Variants in RGS6 observed in about 807,000 individuals in gnomAD.
RGS6 encodes regulator of G-protein signaling 6.
In RGS6, 30 loss-of-function variants were observed where a neutral mutation model predicts 78.5. That is an observed-to-expected ratio of 0.38 (90% CI 0.29 to 0.52). RGS6 has a LOEUF of 0.52. Among genes scored for constraint, RGS6 ranks in the 20% least tolerant of loss-of-function variants. The pLI, the probability that RGS6 is intolerant of heterozygous loss-of-function variation, is 0.85. For synonymous variants in RGS6, 206 were observed against 206.0 expected (o/e 1.00, Z 0.00); for missense variants, 495 against 609.7 (o/e 0.81, Z 1.98).
At chr14:72,378,735 G>A (rs964642788) in intron 3 of RGS6, among the ~76,000 whole-genome samples, 1 of 152,066 alleles carries the variant, frequency 6.6e-6, no homozygotes, top group African/African-American at 2.4e-5. Flanking sequence ...GAATTGGATG[G>A]CTTCACTGCT....
intron 2 of RGS6, among the ~76,000 whole-genome samples, chr14:72,012,298 CA>C (rs2085932047): frequency 6.6e-6 from 1 of 152,114 alleles, no homozygotes; most frequent in South Asian, 2.1e-4. Flanking sequence ...ATCTTCTTTG[CA>C]GCTAGTTTTC....
At chr14:72,540,684 A>C in intron 17 of RGS6, 1 of 1,375,938 alleles carries the variant, frequency 7.3e-7, no homozygotes, top group Admixed American at 1.9e-5. Flanking sequence ...AGCCCCCATC[A>C]GCCTCATGTG....
intron 2 of RGS6, among the ~76,000 whole-genome samples, chr14:72,318,334 T>G (rs1393578272): frequency 6.6e-6 from 1 of 152,186 alleles, no homozygotes; most frequent in African/African-American, 2.4e-5. Flanking sequence ...GGCAGCTGAT[T>G]TGATGGTGCC....
intron 2 of RGS6, among the ~76,000 whole-genome samples, chr14:72,070,903 CGT>C (rs569892870): frequency 6.6e-6 from 1 of 152,130 alleles, no homozygotes; most frequent in African/African-American, 2.4e-5. Flanking sequence ...ATGTTTTGTG[CGT>C]GTGTATTTCA....
chr14:71,929,652 AC>A (rs1351673867), upstream of RGS6, among the ~76,000 whole-genome samples: 1 of 152,156 alleles, frequency 6.6e-6, no homozygotes, highest in Non-Finnish European at 1.5e-5. Flanking sequence ...TCCTCATCAA[AC>A]TTTTACCCAC....
chr14:72,148,755 T>G (rs910709815), intron 2 of RGS6, among the ~76,000 whole-genome samples: 2 of 152,178 alleles, frequency 1.3e-5, no homozygotes, highest in African/African-American at 4.8e-5. Context: ...AAAGCTGAGA[T>G]AAAACAAGAT....
chr14:72,440,657 C>T (rs1019836578), intron 3 of RGS6, among the ~76,000 whole-genome samples: 3 of 152,122 alleles, frequency 2.0e-5, no homozygotes, highest in Non-Finnish European at 4.4e-5. Context: ...AGGTGATCTG[C>T]CTGCCTCGGC....
chr14:71,888,409 G>A, the RGS6 span, among the ~76,000 whole-genome samples: 23,560 of 146,268 alleles, frequency 0.16, 2,895 homozygotes, highest in African/African-American at 0.36. Context: ...CACAGCAAAA[G>A]CTCTGTCTCA....
chr14:72,233,065 T>A (rs1188458842), intron 2 of RGS6, among the ~76,000 whole-genome samples: 1 of 152,160 alleles, frequency 6.6e-6, no homozygotes, highest in African/African-American at 2.4e-5. Context: ...TGGAATGGCT[T>A]GTAGACCTGA....
chr14:72,273,230 G>A (rs764963215), intron 2 of RGS6, among the ~76,000 whole-genome samples: 49 of 152,234 alleles, frequency 3.2e-4, no homozygotes, highest in African/African-American at 7.2e-4. Flanking sequence ...AGTTGATTCC[G>A]GCTTTCAAAG....
upstream of RGS6, among the ~76,000 whole-genome samples, chr14:71,929,433 C>T: frequency 6.6e-6 from 1 of 152,200 alleles, no homozygotes; most frequent in Admixed American, 6.5e-5. Context: ...AGTGACACTA[C>T]ATTCTCAGCA....
At chr14:72,107,760 T>A (rs1417251339) in intron 2 of RGS6, among the ~76,000 whole-genome samples, 1 of 152,174 alleles carries the variant, frequency 6.6e-6, no homozygotes, top group Non-Finnish European at 1.5e-5. Flanking sequence ...TATCTTCTTT[T>A]TCCTGCCCAA....
In RGS6 at chr14:72,536,243, G is replaced by T. The variant is rs776206016; in HGVS notation, c.1336G>T (p.Ala446Ser). 6.2e-7 allele frequency: 1 copy of T among 1,613,794 alleles called. No homozygotes were observed. Among genetic ancestry groups the T allele is most frequent in the Non-Finnish European group, 8.5e-7 (1 of 1,179,874 alleles). Reference sequence around the variant, plus strand: ...CTATGCCCGCTTCCTCCGGTCAAATGCTTACCAGGATTTGCTGCTGGCCAA... The same window carrying T: ...CTATGCCCGCTTCCTCCGGTCAAATTCTTACCAGGATTTGCTGCTGGCCAA... The part of the protein sequence containing the change: ...DSYARFLRSN[A>S]YQDLLLAKKK... The change falls in exon 16 of 18, where the codon GCT becomes TCT. Residue 446 changes from alanine to serine, a missense_variant. Coordinates refer to ENST00000553525, the MANE Select transcript of RGS6 (RefSeq NM_001204424.2).
chr14:71,952,223 TTTACTA>T (rs1212587524), intron 1 of RGS6, among the ~76,000 whole-genome samples: 50 of 152,340 alleles, frequency 3.3e-4, no homozygotes, highest in Non-Finnish European at 1.5e-5. Flanking sequence ...TTTTCCATGT[TTTACTA>T]TTAAATATTA....
At chr14:72,484,119 G>A (rs952836384) in intron 12 of RGS6, among the ~76,000 whole-genome samples, 2 of 152,154 alleles carry the variant, frequency 1.3e-5, no homozygotes, top group African/African-American at 4.8e-5. Flanking sequence ...GAAACTGCAT[G>A]TAGCAGAGCG....
chr14:72,283,448 C>A (rs545486647), intron 2 of RGS6, among the ~76,000 whole-genome samples: 1 of 152,178 alleles, frequency 6.6e-6, no homozygotes, highest in Non-Finnish European at 1.5e-5. Context: ...ATAATTGATT[C>A]ATGGGGATGG....
intron 2 of RGS6, among the ~76,000 whole-genome samples, chr14:72,339,647 C>G (rs1205755896): frequency 1.3e-5 from 2 of 152,046 alleles, no homozygotes; most frequent in African/African-American, 4.8e-5. Context: ...GGGAAGGACT[C>G]CAAGTCTTCA....
At chr14:72,355,169 A>G (rs915109838) in intron 3 of RGS6, among the ~76,000 whole-genome samples, 1 of 149,648 alleles carries the variant, frequency 6.7e-6, no homozygotes, top group Admixed American at 6.7e-5. Flanking sequence ...AATTTCAATT[A>G]TTTTTTATTT....
chr14:72,487,199 T>C (rs2096504117), intron 12 of RGS6, among the ~76,000 whole-genome samples: 1 of 152,246 alleles, frequency 6.6e-6, no homozygotes. Context: ...TTTGCGTGGG[T>C]TGTGATAGTG....
Sources: gnomAD v4.1 joint callset for allele counts (sites outside exome capture counted in the v4.1 genomes callset) on GRCh38, gnomAD v4.1.1 for gene constraint, MANE v1.5 for transcripts, NCBI Gene and HGNC (gene_info 2026-07-23, HGNC 2026-07-21) for gene names.